PARD3: variants seen among roughly 807,000 people sequenced by gnomAD.
PARD3 encodes partitioning defective 3 homolog.
A neutral mutation model predicts 155.4 loss-of-function variants in PARD3; 75 were observed. That is an observed-to-expected ratio of 0.48 (90% confidence interval 0.40 to 0.58). PARD3 has a LOEUF of 0.58. Ranked by LOEUF, PARD3 falls within the 20% of genes least tolerant of loss-of-function variation. The probability of loss-of-function intolerance (pLI) is 0.00; values close to 1 mark genes in which losing one functional copy is unlikely to be tolerated. For synonymous variants in PARD3, 576 were observed against 610.5 expected (o/e 0.94, Z 0.83); for missense variants, 1,642 against 1,721.7 (o/e 0.95, Z 0.82).
chr10:34,486,768 T>A (rs1302254981), intron 3 of PARD3, among the ~76,000 whole-genome samples: 1 of 152,172 alleles, frequency 6.6e-6, no homozygotes, highest in African/African-American at 2.4e-5. Flanking sequence ...GTGCTGCTGG[T>A]CTGAGTGACC....
intron 3 of PARD3, among the ~76,000 whole-genome samples, chr10:34,487,684 T>G (rs2079569767): frequency 6.6e-6 from 1 of 152,004 alleles, no homozygotes; most frequent in Non-Finnish European, 1.5e-5. Context: ...TGGTCCTTCA[T>G]GCAGTGCTGA....
At chr10:34,253,254 T>A (rs1177764034) in intron 22 of PARD3, among the ~76,000 whole-genome samples, 1 of 152,202 alleles carries the variant, frequency 6.6e-6, no homozygotes, top group Non-Finnish European at 1.5e-5. Flanking sequence ...GTAGTTTGTG[T>A]CAAGTAGGTG....
chr10:34,654,976 C>T (rs557862216), intron 2 of PARD3, among the ~76,000 whole-genome samples: 23 of 152,152 alleles, frequency 1.5e-4, no homozygotes, highest in Admixed American at 5.9e-4. Context: ...GTTACGAAAA[C>T]GGACGTGCCC....
intron 23 of PARD3, among the ~76,000 whole-genome samples, chr10:34,130,863 C>A (rs1430568914): frequency 6.6e-6 from 1 of 152,132 alleles, no homozygotes; most frequent in African/African-American, 2.4e-5. Context: ...GAATTTGAGA[C>A]CAGCCTGGCC....
chr10:34,154,782 G>A (rs1316317446), intron 22 of PARD3, among the ~76,000 whole-genome samples: 1 of 152,142 alleles, frequency 6.6e-6, no homozygotes, highest in Non-Finnish European at 1.5e-5. Context: ...ACCTCCAGGT[G>A]TTGAAACTCA....
At chr10:34,459,611 A>G (rs2077520119) in intron 4 of PARD3, among the ~76,000 whole-genome samples, 1 of 152,228 alleles carries the variant, frequency 6.6e-6, no homozygotes, top group Admixed American at 6.5e-5. Flanking sequence ...AGGGAGAGAT[A>G]GTAAAATACT....
intron 22 of PARD3, among the ~76,000 whole-genome samples, chr10:34,145,189 GTATATATA>G (rs575139416): frequency 2.2e-4 from 11 of 49,614 alleles, no homozygotes; most frequent in South Asian, 1.8e-3. Context: ...GTGTGTGTGT[GTATATATA>G]TATATATATA....
chr10:34,360,304 C>G, intron 12 of PARD3, 45 bp from the exon 13 acceptor site: 1 of 1,418,748 alleles, frequency 7.0e-7, no homozygotes. Context: ...TCCAATGTTT[C>G]TTTCTCAAAG....
At chr10:34,396,903 C>T (rs890512435) in intron 7 of PARD3, among the ~76,000 whole-genome samples, 10 of 152,128 alleles carry the variant, frequency 6.6e-5, no homozygotes, top group African/African-American at 9.7e-5. Flanking sequence ...AATCATCTTC[C>T]GCAACAAGCC....
intron 2 of PARD3, among the ~76,000 whole-genome samples, chr10:34,537,031 C>T (rs1466293966): frequency 6.6e-6 from 1 of 152,184 alleles, no homozygotes; most frequent in Non-Finnish European, 1.5e-5. Context: ...GACACAAGGT[C>T]TTGCTCTGTC....
At chr10:34,640,733 A>G (rs944848342) in intron 2 of PARD3, among the ~76,000 whole-genome samples, 1 of 145,590 alleles carries the variant, frequency 6.9e-6, no homozygotes, top group African/African-American at 2.6e-5. Flanking sequence ...AAAAAAAAAA[A>G]AAAGCACTTT....
At chr10:34,813,130 C>T (rs908553270) in intron 1 of PARD3, among the ~76,000 whole-genome samples, 1 of 152,232 alleles carries the variant, frequency 6.6e-6, no homozygotes, top group Non-Finnish European at 1.5e-5. Flanking sequence ...GGAACAACTA[C>T]ATTTGAACTA....
chr10:34,221,212 T>C (rs182878375), intron 22 of PARD3, among the ~76,000 whole-genome samples: 157 of 152,264 alleles, frequency 1.0e-3, no homozygotes, highest in African/African-American at 3.4e-3. Context: ...GCATGGTGCA[T>C]GGGAGAGGCC....
At chr10:34,342,453 G>A (rs1229814229) in intron 15 of PARD3, among the ~76,000 whole-genome samples, 1 of 152,176 alleles carries the variant, frequency 6.6e-6, no homozygotes, top group Non-Finnish European at 1.5e-5. Flanking sequence ...TTTTCTGCCA[G>A]AAGAAATGAT....
rs149214344 is a variant in PARD3 at position 34,147,754 on chromosome 10, T to C, written c.3420-16171A>G. ...TTTTAAAAAAATCTTTCAGCTCCTA[T>C]GAAAGGGCTGGGAAAACAGAGTACT... On this transcript the variant is annotated intron_variant, in intron 22 of 24. Transcript: ENST00000374788. Among the ~76,000 whole-genome samples the C allele has an allele frequency of 2.0e-3, 308 of 152,164 alleles. 2 individuals carry two copies. Among genetic ancestry groups the C allele is most frequent in the South Asian group, 0.013 (65 of 4,820 alleles).
At chr10:34,376,667 T>C (rs1841283886) in intron 10 of PARD3, among the ~76,000 whole-genome samples, 1 of 152,146 alleles carries the variant, frequency 6.6e-6, no homozygotes, top group Non-Finnish European at 1.5e-5. Context: ...GGGAATAAAA[T>C]TTAAGGGATC....
intron 19 of PARD3, among the ~76,000 whole-genome samples, chr10:34,321,670 A>G (rs891169205): frequency 6.6e-6 from 1 of 152,170 alleles, no homozygotes; most frequent in African/African-American, 2.4e-5. Flanking sequence ...ATTAAGACAT[A>G]CCTAATTACC....
intron 20 of PARD3, among the ~76,000 whole-genome samples, chr10:34,301,506 C>T (rs1237384064): frequency 6.6e-6 from 1 of 152,120 alleles, no homozygotes; most frequent in African/African-American, 2.4e-5. Flanking sequence ...GGCCTTAGAA[C>T]TCTCTCTGGC....
chr10:34,361,362 A>G (rs1477625040), intron 12 of PARD3, among the ~76,000 whole-genome samples: 1 of 152,238 alleles, frequency 6.6e-6, no homozygotes, highest in Admixed American at 6.5e-5. Context: ...TTGACTTATC[A>G]AATTATAATT....
Sources: allele counts gnomAD v4.1 joint callset (sites outside exome capture counted in the v4.1 genomes callset), GRCh38; gene constraint gnomAD v4.1.1; transcripts MANE v1.5; gene names NCBI Gene and HGNC (gene_info 2026-07-23, HGNC 2026-07-21).